Variants in TMEM132C observed in about 807,000 individuals in gnomAD.
The protein encoded by TMEM132C is transmembrane protein 132C.
In TMEM132C, 29 loss-of-function variants were observed where a neutral mutation model predicts 61.4. The observed-to-expected ratio is 0.47, with a 90% confidence interval of 0.35 to 0.64. TMEM132C has a LOEUF of 0.64. Ranked by LOEUF, TMEM132C falls within the 30% of genes least tolerant of loss-of-function variation. The pLI is 0.00. For synonymous variants in TMEM132C, 656 were observed against 633.1 expected, an observed-to-expected ratio of 1.04 and a Z score of -0.54; for missense variants, 1,408 against 1,476.9, an observed-to-expected ratio of 0.95 and a Z score of 0.76.
At chr12:128,433,204 AT>A (rs1007129379) in intron 2 of TMEM132C, among the ~76,000 whole-genome samples, 11 of 152,116 alleles carry the variant, frequency 7.2e-5, no homozygotes, top group East Asian at 1.9e-4. Context: ...CAAAAAAAAA[AT>A]GTTTGACTCA....
chr12:128,494,441 CCTCTG>C (rs1391196426), intron 2 of TMEM132C, among the ~76,000 whole-genome samples: 1 of 152,138 alleles, frequency 6.6e-6, no homozygotes, highest in Non-Finnish European at 1.5e-5. Context: ...CCTCCTTGTA[CCTCTG>C]GTAGAATTCT....
intron 1 of TMEM132C, among the ~76,000 whole-genome samples, chr12:128,304,249 A>G (rs1871687099): frequency 7.0e-6 from 1 of 142,154 alleles, no homozygotes; most frequent in Admixed American, 7.0e-5. Context: ...TTCCCTACAC[A>G]TTCAAAAATG....
At chr12:128,519,022 G>C (rs1265504666) in intron 2 of TMEM132C, among the ~76,000 whole-genome samples, 2 of 152,102 alleles carry the variant, frequency 1.3e-5, no homozygotes, top group African/African-American at 4.8e-5. Flanking sequence ...GGACTCTAAG[G>C]ATTTTATATT....
At chr12:128,319,547 G>A (rs1872259638) in intron 1 of TMEM132C, among the ~76,000 whole-genome samples, 1 of 152,098 alleles carries the variant, frequency 6.6e-6, no homozygotes, top group South Asian at 2.1e-4. Flanking sequence ...GGGCCACCAG[G>A]CCAGGCACGG....
chr12:128,362,791 C>T (rs1291043596), intron 1 of TMEM132C, among the ~76,000 whole-genome samples: 1 of 152,076 alleles, frequency 6.6e-6, no homozygotes, highest in Non-Finnish European at 1.5e-5. Flanking sequence ...CAAAACAGTG[C>T]AGTGTTTTAT....
chr12:128,631,636 C>T (rs1420400601), intron 4 of TMEM132C, among the ~76,000 whole-genome samples: 1 of 152,190 alleles, frequency 6.6e-6, no homozygotes, highest in Admixed American at 6.5e-5. Context: ...CTGGCTTAAT[C>T]CAAATGGAGA....
intron 3 of TMEM132C, among the ~76,000 whole-genome samples, chr12:128,599,364 C>T (rs894607197): frequency 6.6e-6 from 1 of 152,212 alleles, no homozygotes; most frequent in Admixed American, 6.5e-5. Context: ...AAGAAGTACC[C>T]AGTGACCGAG....
At chr12:128,645,129 G>C (rs1479188100) in intron 4 of TMEM132C, among the ~76,000 whole-genome samples, 4 of 152,126 alleles carry the variant, frequency 2.6e-5, no homozygotes, top group Non-Finnish European at 5.9e-5. Context: ...ACTCCTGGCC[G>C]CACTGGAGAA....
At chr12:128,701,737 T>C (rs553870733) in intron 8 of TMEM132C, among the ~76,000 whole-genome samples, 9 of 152,114 alleles carry the variant, frequency 5.9e-5, no homozygotes, top group Non-Finnish European at 1.2e-4. Flanking sequence ...GTAACGTGGG[T>C]GGCTTTGTCT....
At chr12:128,530,870 A>G (rs1445120972) in intron 2 of TMEM132C, among the ~76,000 whole-genome samples, 1 of 152,212 alleles carries the variant, frequency 6.6e-6, no homozygotes, top group Non-Finnish European at 1.5e-5. Context: ...AGCATTTATT[A>G]CCTTTGTTTC....
intron 1 of TMEM132C, among the ~76,000 whole-genome samples, chr12:128,398,247 C>G (rs1466842085): frequency 2.6e-5 from 4 of 152,262 alleles, no homozygotes; most frequent in Non-Finnish European, 5.9e-5. Flanking sequence ...TTCCACGATG[C>G]TAGCTGTACA....
At chr12:128,540,883 CACTGCTGATACCA>C (rs1169525230) in intron 2 of TMEM132C, among the ~76,000 whole-genome samples, 1 of 152,154 alleles carries the variant, frequency 6.6e-6, no homozygotes, top group East Asian at 1.9e-4. Context: ...GACTGCTCCC[CACTGCTGATACCA>C]ACTGCAAGCC....
chr12:128,632,151 G>A (rs1039574981), intron 4 of TMEM132C, among the ~76,000 whole-genome samples: 3 of 152,126 alleles, frequency 2.0e-5, no homozygotes, highest in Admixed American at 6.5e-5. Context: ...TGAGGCATCC[G>A]GGCCTTCACA....
chr12:128,622,221 G>A lies in TMEM132C; in HGVS notation c.1305+5886G>A, dbSNP rs1459959267. Among the ~76,000 whole-genome samples the A allele has an allele frequency of 4.0e-5, 6 of 150,456 alleles. No homozygotes were observed. In the East Asian group the frequency reaches 1.2e-3, roughly 30 times the overall value. On this transcript the variant is annotated intron_variant, in intron 4 of 8. Coordinates refer to ENST00000435159, the MANE Select transcript of TMEM132C (RefSeq NM_001136103.3). Reference sequence around the variant, plus strand: ...TAGCCAGGCATGGCAGCACGTGCCTGTATTCCCAGCTACTCGGGAGGCTGA... The same window carrying A: ...TAGCCAGGCATGGCAGCACGTGCCTATATTCCCAGCTACTCGGGAGGCTGA...
intron 4 of TMEM132C, among the ~76,000 whole-genome samples, chr12:128,631,407 C>A (rs549608148): frequency 2.4e-4 from 37 of 152,342 alleles, no homozygotes; most frequent in Non-Finnish European, 4.0e-4. Context: ...TCGGCCCCAG[C>A]CCTGCAGGGA....
chr12:128,706,357 G>C lies in TMEM132C; in HGVS notation c.*62G>C. The C allele has an allele frequency of 1.4e-6, 2 of 1,448,902 alleles. No homozygotes were observed. The highest frequency in any genetic ancestry group is 1.8e-6 in the Non-Finnish European group (2 of 1,103,726). The allele number at this position is 1,448,902 out of a possible 1,614,324, so 89.8% of individuals were successfully genotyped here. A position where few individuals can be genotyped will look rare whatever the true frequency, so the allele number is the denominator to read the frequency against. ...CTTGTACTGGAAACTGGCCCAAGTG[G>C]GGCAGAAGGCGTTGTCAGTGGGGTT... On this transcript the variant is annotated 3_prime_UTR_variant, in exon 9 of 9. Transcript: ENST00000435159.
chr12:128,393,236 CTTG>C (rs1874828359), intron 1 of TMEM132C, among the ~76,000 whole-genome samples: 1 of 152,244 alleles, frequency 6.6e-6, no homozygotes, highest in African/African-American at 2.4e-5. Context: ...CCCTTGCTCA[CTTG>C]CAGCTAATCC....
At chr12:128,493,759 T>C (rs1000807189) in intron 2 of TMEM132C, among the ~76,000 whole-genome samples, 10 of 152,206 alleles carry the variant, frequency 6.6e-5, no homozygotes, top group Non-Finnish European at 1.5e-4. Context: ...GCTGAGACGA[T>C]GGGGTTTTCT....
chr12:128,518,731 T>C (rs1015696217), intron 2 of TMEM132C, among the ~76,000 whole-genome samples: 3 of 151,928 alleles, frequency 2.0e-5, no homozygotes, highest in Admixed American at 6.6e-5. Context: ...TGTGTGTGTG[T>C]GCATGTGTGT....
Sources: gnomAD v4.1 joint callset for allele counts (sites outside exome capture counted in the v4.1 genomes callset) on GRCh38, gnomAD v4.1.1 for gene constraint, MANE v1.5 for transcripts, NCBI Gene and HGNC (gene_info 2026-07-23, HGNC 2026-07-21) for gene names.